EXOC1L: variants seen among roughly 807,000 people sequenced by gnomAD.
EXOC1L encodes exocyst complex component 1-like.
A neutral mutation model predicts 4.9 loss-of-function variants in EXOC1L; 10 were observed. The ratio of observed to expected loss-of-function variants is 2.02; its 90% confidence interval spans 1.25 to 3.43. EXOC1L has a LOEUF of 3.43. Among genes scored for constraint, EXOC1L ranks in the 30% most tolerant of loss-of-function variants. The pLI, the probability that EXOC1L is intolerant of heterozygous loss-of-function variation, is 0.00. For missense variants in EXOC1L, 114 were observed against 59.4 expected (o/e 1.92, Z -3.02); for synonymous variants, 41 against 20.8 (o/e 1.97, Z -2.63).
intron 1 of EXOC1L, among the ~76,000 whole-genome samples, 184 bp downstream of exon 1, chr4:55,820,331 T>C (rs79532538): frequency 6.6e-6 from 1 of 152,046 alleles, no homozygotes; most frequent in Non-Finnish European, 1.5e-5. Context: ...GTGTTAAAAA[T>C]GAAAGAAAAA....
intron 2 of EXOC1L, among the ~76,000 whole-genome samples, chr4:55,835,957 A>G (rs1720149596): frequency 6.6e-6 from 1 of 151,910 alleles, no homozygotes; most frequent in South Asian, 2.1e-4. Context: ...TCGCATGTAA[A>G]TTTCACAGCA....
intron 1 of EXOC1L, among the ~76,000 whole-genome samples, chr4:55,825,289 T>C (rs895592043): frequency 6.6e-6 from 1 of 152,190 alleles, no homozygotes; most frequent in African/African-American, 2.4e-5. Context: ...AAAACCCAGG[T>C]TTTTTTCGAC....
chr4:55,829,238 CA>C (rs1719964394), intron 1 of EXOC1L, among the ~76,000 whole-genome samples: 1 of 152,174 alleles, frequency 6.6e-6, no homozygotes, highest in Admixed American at 6.6e-5. Flanking sequence ...TACTGTAAAC[CA>C]GGCACTATCC....
At chr4:55,834,601 T>C (rs1720114536) in intron 2 of EXOC1L, among the ~76,000 whole-genome samples, 1 of 151,868 alleles carries the variant, frequency 6.6e-6, no homozygotes, top group Non-Finnish European at 1.5e-5. Context: ...GAGGAGCAAA[T>C]GTTTGCAAGA....
intron 1 of EXOC1L, among the ~76,000 whole-genome samples, chr4:55,825,398 C>T (rs1391508201): frequency 6.6e-6 from 1 of 152,160 alleles, no homozygotes; most frequent in Non-Finnish European, 1.5e-5. Context: ...TTATTTGCCA[C>T]ATCTAGGCAT....
At chr4:55,821,032 T>C (rs943972821) in intron 1 of EXOC1L, among the ~76,000 whole-genome samples, 16 of 152,176 alleles carry the variant, frequency 1.1e-4, no homozygotes, top group African/African-American at 3.6e-4. Context: ...GACTTGCCTA[T>C]CTAAGGAACA....
At chr4:55,827,278 T>C (rs746308228) in intron 1 of EXOC1L, among the ~76,000 whole-genome samples, 1 of 152,210 alleles carries the variant, frequency 6.6e-6, no homozygotes, top group Non-Finnish European at 1.5e-5. Flanking sequence ...TTTGTGTGAA[T>C]GCTTTTCTAG....
chr4:55,831,047 C>G (rs1204679037), intron 1 of EXOC1L, among the ~76,000 whole-genome samples: 1 of 152,234 alleles, frequency 6.6e-6, no homozygotes, highest in African/African-American at 2.4e-5. Flanking sequence ...CTATTCTCTA[C>G]CACAATGCTC....
At chr4:55,828,818 G>C (rs1297301580) in intron 1 of EXOC1L, among the ~76,000 whole-genome samples, 1 of 152,126 alleles carries the variant, frequency 6.6e-6, no homozygotes, top group African/African-American at 2.4e-5. Flanking sequence ...ACTCCAGCTT[G>C]GGTAACAGAG....
chr4:55,824,827 G>GT (rs1323939048), intron 1 of EXOC1L, among the ~76,000 whole-genome samples: 2 of 152,174 alleles, frequency 1.3e-5, no homozygotes, highest in African/African-American at 2.4e-5. Context: ...GGATTTTAGA[G>GT]TAGGGATATT....
intron 2 of EXOC1L, among the ~76,000 whole-genome samples, chr4:55,833,290 C>T (rs889389421): frequency 6.6e-6 from 1 of 151,724 alleles, no homozygotes; most frequent in Non-Finnish European, 1.5e-5. Context: ...AAATATAAAA[C>T]TTTTCTAAAA....
chr4:55,832,373 T>C (rs1015566100), intron 2 of EXOC1L, among the ~76,000 whole-genome samples: 1 of 152,092 alleles, frequency 6.6e-6, no homozygotes, highest in South Asian at 2.1e-4. Context: ...ATTTGGCCTA[T>C]TGTTCCAACC....
chr4:55,830,776 G>C (rs1248155384), intron 1 of EXOC1L, among the ~76,000 whole-genome samples: 4 of 152,134 alleles, frequency 2.6e-5, no homozygotes, highest in African/African-American at 7.2e-5. Flanking sequence ...GCAATACCAA[G>C]CGGGTTAACA....
intron 1 of EXOC1L, among the ~76,000 whole-genome samples, chr4:55,823,553 G>C (rs1719799209): frequency 6.6e-6 from 1 of 152,154 alleles, no homozygotes; most frequent in Non-Finnish European, 1.5e-5. Flanking sequence ...TATAATTAAA[G>C]ATGTTATTAG....
intron 1 of EXOC1L, among the ~76,000 whole-genome samples, chr4:55,827,793 C>T (rs1719923043): frequency 6.6e-6 from 1 of 152,172 alleles, no homozygotes; most frequent in African/African-American, 2.4e-5. Context: ...ATACAACTGC[C>T]TCCTGGTGGA....
intron 2 of EXOC1L, among the ~76,000 whole-genome samples, chr4:55,833,624 CTT>C (rs1334500468): frequency 6.6e-6 from 1 of 151,816 alleles, no homozygotes; most frequent in Non-Finnish European, 1.5e-5. Flanking sequence ...TTTTTCTTGT[CTT>C]TTTTCTCCAG....
At chr4:55,827,087 C>T (rs1719903131) in intron 1 of EXOC1L, among the ~76,000 whole-genome samples, 1 of 152,192 alleles carries the variant, frequency 6.6e-6, no homozygotes, top group Non-Finnish European at 1.5e-5. Context: ...GACAACTTCT[C>T]TCTCTTATAC....
At chr4:55,821,029 C>G (rs1313606649) in intron 1 of EXOC1L, among the ~76,000 whole-genome samples, 1 of 152,112 alleles carries the variant, frequency 6.6e-6, no homozygotes. Flanking sequence ...GTGGACTTGC[C>G]TATCTAAGGA....
chr4:55,832,696 G>A (rs1006815785), intron 2 of EXOC1L, among the ~76,000 whole-genome samples: 1 of 152,008 alleles, frequency 6.6e-6, no homozygotes, highest in Non-Finnish European at 1.5e-5. Flanking sequence ...CATGAAGAAA[G>A]TGAGACTTAA....
Sources: allele counts gnomAD v4.1 joint callset (sites outside exome capture counted in the v4.1 genomes callset), GRCh38; gene constraint gnomAD v4.1.1; transcripts MANE v1.5; gene names NCBI Gene and HGNC (gene_info 2026-07-23, HGNC 2026-07-21).